Variants in RBMS3 observed in about 807,000 individuals in gnomAD.
RBMS3 encodes RNA binding motif single stranded interacting protein 3.
A neutral mutation model predicts 66.8 loss-of-function variants in RBMS3; 27 were observed. The ratio of observed to expected loss-of-function variants is 0.40; its 90% CI spans 0.30 to 0.56. The LOEUF is 0.56. RBMS3 is among the 20% of genes least tolerant of loss of function. The probability of loss-of-function intolerance (pLI) is 0.40; values close to 1 mark genes in which losing one functional copy is unlikely to be tolerated. For missense variants in RBMS3, 513 were observed against 549.5 expected, an observed-to-expected ratio of 0.93 and a Z score of 0.66; for synonymous variants, 188 against 183.0, an observed-to-expected ratio of 1.03 and a Z score of -0.22.
At chr3:29,804,208 CATG>C (rs2057473357) in intron 6 of RBMS3, among the ~76,000 whole-genome samples, 1 of 151,932 alleles carries the variant, frequency 6.6e-6, no homozygotes, top group African/African-American at 2.4e-5. Flanking sequence ...TAGGCATATT[CATG>C]TTTGCTATAA....
At position 30,007,063 on chromosome 3, in the gene RBMS3, G is replaced by A. The variant is rs552399140; in HGVS notation, c.*3201G>A. 5 of 151,918 alleles carry A rather than the reference G, an allele frequency of 3.3e-5. No homozygotes were observed. The highest frequency in any genetic ancestry group is 5.9e-5 in the Non-Finnish European group (4 of 67,886). The allele number at this position is 151,918 out of a possible 1,614,324, so 9.4% of individuals were successfully genotyped here. On this transcript the variant is annotated 3_prime_UTR_variant, in exon 15 of 15. Transcript: ENST00000383767. ...AGAAAAAAAATAGAAGGAAAACAAC[G>A]GCACATACTCAAATTTGCCCTGCTT...
At chr3:29,339,976 A>G (rs1313952214) in intron 1 of RBMS3, among the ~76,000 whole-genome samples, 1 of 152,134 alleles carries the variant, frequency 6.6e-6, no homozygotes, top group Non-Finnish European at 1.5e-5. Context: ...CTGCCAAGGG[A>G]AAACGTTGTG....
intron 4 of RBMS3, among the ~76,000 whole-genome samples, chr3:29,617,217 G>A (rs1419705467): frequency 1.3e-5 from 2 of 152,162 alleles, no homozygotes; most frequent in African/African-American, 2.4e-5. Context: ...CGAGCCTCAG[G>A]TTTTAATACC....
intron 12 of RBMS3, among the ~76,000 whole-genome samples, chr3:29,981,392 T>C (rs1209060891): frequency 6.6e-6 from 1 of 152,194 alleles, no homozygotes; most frequent in East Asian, 1.9e-4. Flanking sequence ...CAATTGGACT[T>C]CCTCTCTTCC....
intron 1 of RBMS3, among the ~76,000 whole-genome samples, chr3:29,308,350 G>C (rs902069782): frequency 2.0e-5 from 3 of 151,792 alleles, no homozygotes; most frequent in African/African-American, 7.2e-5. Context: ...TAGGTTGAAA[G>C]TGTTGGCTCA....
At chr3:29,671,756 A>G (rs548750091) in intron 4 of RBMS3, among the ~76,000 whole-genome samples, 1 of 152,336 alleles carries the variant, frequency 6.6e-6, no homozygotes, top group East Asian at 1.9e-4. Flanking sequence ...AGCAACAAAC[A>G]AAGCCTCCAA....
chr3:29,583,742 T>A (rs1028140139), intron 3 of RBMS3, among the ~76,000 whole-genome samples: 1 of 152,150 alleles, frequency 6.6e-6, no homozygotes, highest in African/African-American at 2.4e-5. Flanking sequence ...TTTAATCTAT[T>A]TTCTGCTTGA....
chr3:29,482,925 C>G (rs988411902), intron 2 of RBMS3, among the ~76,000 whole-genome samples: 4 of 151,526 alleles, frequency 2.6e-5, no homozygotes, highest in Non-Finnish European at 5.9e-5. Flanking sequence ...TCAGGCTGGT[C>G]TCGAACTCCT....
chr3:29,782,051 C>A (rs1021348106), intron 6 of RBMS3, among the ~76,000 whole-genome samples: 5 of 152,110 alleles, frequency 3.3e-5, no homozygotes, highest in African/African-American at 1.2e-4. Context: ...CTTTCTCTAC[C>A]CACCCTCGGA....
At chr3:29,879,812 T>A (rs925517781) in intron 7 of RBMS3, among the ~76,000 whole-genome samples, 3 of 149,562 alleles carry the variant, frequency 2.0e-5, no homozygotes, top group African/African-American at 4.9e-5. Flanking sequence ...AAAAAAAAAA[T>A]AATTCAGGCC....
intron 1 of RBMS3, among the ~76,000 whole-genome samples, chr3:29,324,518 T>C (rs1448814065): frequency 6.6e-6 from 1 of 152,216 alleles, no homozygotes; most frequent in Non-Finnish European, 1.5e-5. Flanking sequence ...CCTGGGTCTT[T>C]CTGTGCTGCA....
In RBMS3 at chr3:29,650,320, G is replaced by A. The variant is rs2050100800; in HGVS notation, c.399+63115G>A. On this transcript the variant is annotated intron_variant, in intron 4 of 14. Coordinates refer to ENST00000383767, the MANE Select transcript of RBMS3 (RefSeq NM_001003793.3). ...TTTTTCTGAGACAGGGTTTTGCTCT[G>A]TCACCCAAGCTGGAGGCTGGAGTGC... Among the ~76,000 whole-genome samples, 3 of 121,696 alleles carry A rather than the reference G, an allele frequency of 2.5e-5. No homozygotes were observed. In the South Asian group the frequency reaches 7.5e-4, roughly 31 times the overall value. 79.8% of individuals were successfully genotyped at this position (121,696 alleles called of 152,430 possible).
rs535857997 is a variant in RBMS3, at chr3:29,557,488, T to C, written c.308-29626T>C. Among the ~76,000 whole-genome samples, 16 of 152,340 alleles carry C rather than the reference T, an allele frequency of 1.1e-4. No individual in the cohort carries two copies. In the East Asian group the frequency reaches 2.5e-3, roughly 24 times the overall value. ...CAAGTAAGACGCTTAGGTAGCAAGA[T>C]AGAAAAGGAGACTTAGTAGGAGCAT... is the stretch of plus-strand genomic sequence containing the variant. On this transcript the variant is annotated intron_variant, in intron 3 of 14. Coordinates refer to ENST00000383767, the MANE Select transcript of RBMS3 (RefSeq NM_001003793.3).
intron 1 of RBMS3, among the ~76,000 whole-genome samples, chr3:29,416,877 C>T (rs1430629388): frequency 2.0e-5 from 3 of 152,160 alleles, no homozygotes; most frequent in Non-Finnish European, 4.4e-5. Flanking sequence ...CCCAAATTTA[C>T]TATCCTAACC....
At position 29,281,769 on chromosome 3, in the gene RBMS3, C is replaced by G. The variant is rs2031807202; in HGVS notation, c.75+13C>G. ...TCTCCAAACCAAGGTATGGCTTGAC[C>G]CACGGTCTGGCGATCAGCGTGGTAT... On this transcript the variant is annotated intron_variant, in intron 1 of 14. Transcript: ENST00000383767. 1 of 1,604,114 alleles carries G rather than the reference C, an allele frequency of 6.2e-7. No individual in the cohort carries two copies. Among genetic ancestry groups the G allele is most frequent in the Non-Finnish European group, 8.5e-7 (1 of 1,171,866 alleles).
chr3:29,292,132 C>T (rs887391975), intron 1 of RBMS3, among the ~76,000 whole-genome samples: 14 of 151,668 alleles, frequency 9.2e-5, no homozygotes, highest in Non-Finnish European at 1.5e-5. Flanking sequence ...CTTCCCAGCC[C>T]TCTAGACAGA....
chr3:29,710,020 T>C (rs2053096265), intron 4 of RBMS3, among the ~76,000 whole-genome samples: 1 of 152,206 alleles, frequency 6.6e-6, no homozygotes, highest in Admixed American at 6.5e-5. Flanking sequence ...GTAACTTTCT[T>C]GTGAAATGGA....
At position 29,790,795 on chromosome 3, in the gene RBMS3, A is replaced by C. The variant is rs113945751; in HGVS notation, c.637+27806A>C. On this transcript the variant is annotated intron_variant, in intron 6 of 14. Coordinates refer to ENST00000383767, the MANE Select transcript of RBMS3 (RefSeq NM_001003793.3). ...AAGTTTAAAATGCTGAGATTTTTAA[A>C]GTTTCAATCGAAAAGTATTCATACT... 2.7e-3 allele frequency among the ~76,000 whole-genome samples: 418 copies of C among 152,340 alleles called. 3 individuals carry two copies. Among genetic ancestry groups the C allele is most frequent in the African/African-American group, 9.0e-3 (373 of 41,586 alleles).
chr3:29,396,578 A>T (rs2039560967), intron 1 of RBMS3, among the ~76,000 whole-genome samples: 1 of 152,216 alleles, frequency 6.6e-6, no homozygotes, highest in African/African-American at 2.4e-5. Flanking sequence ...ATGATTTACC[A>T]ATTTCACTCT....
Sources: gnomAD v4.1 joint callset for allele counts (sites outside exome capture counted in the v4.1 genomes callset) on GRCh38, gnomAD v4.1.1 for gene constraint, MANE v1.5 for transcripts, NCBI Gene and HGNC (gene_info 2026-07-23, HGNC 2026-07-21) for gene names.